Variants in ZSWIM6 observed in about 807,000 individuals in gnomAD.
ZSWIM6 encodes zinc finger SWIM domain-containing protein 6.
In ZSWIM6, 9 loss-of-function variants were observed where a neutral mutation model predicts 113.2. The ratio of observed to expected loss-of-function variants is 0.08; its 90% CI spans 0.05 to 0.14. The LOEUF is 0.14. Ranked by LOEUF, ZSWIM6 falls within the 10% of genes least tolerant of loss-of-function variation. The probability of loss-of-function intolerance (pLI) is 1.00; values close to 1 mark genes in which losing one functional copy is unlikely to be tolerated. For missense variants in ZSWIM6, 1,162 were observed against 1,552.2 expected (o/e 0.75, Z 4.22); for synonymous variants, 611 against 606.5 (o/e 1.01, Z -0.11).
chr5:61,437,981 G>C (rs1746745248), intron 1 of ZSWIM6, among the ~76,000 whole-genome samples: 1 of 151,860 alleles, frequency 6.6e-6, no homozygotes, highest in Non-Finnish European at 1.5e-5. Flanking sequence ...TTGCCATTCA[G>C]GGTGTTCTTA....
chr5:61,403,320 T>C (rs1745976429), intron 1 of ZSWIM6, among the ~76,000 whole-genome samples: 1 of 152,142 alleles, frequency 6.6e-6, no homozygotes, highest in Admixed American at 6.5e-5. Context: ...ATTTTTAGGG[T>C]TTAGAACTCT....
chr5:61,426,913 A>G (rs1746473189), intron 1 of ZSWIM6, among the ~76,000 whole-genome samples: 1 of 151,998 alleles, frequency 6.6e-6, no homozygotes, highest in Non-Finnish European at 1.5e-5. Context: ...CTGGAGGCAC[A>G]CAAAATCCAT....
chr5:61,470,808 T>C (rs1187437009), intron 1 of ZSWIM6, among the ~76,000 whole-genome samples: 1 of 152,198 alleles, frequency 6.6e-6, no homozygotes, highest in Non-Finnish European at 1.5e-5. Context: ...TGGATAAAGA[T>C]TATTGCAGCA....
At chr5:61,537,652 C>T (rs961323412) in intron 10 of ZSWIM6, among the ~76,000 whole-genome samples, 2 of 151,894 alleles carry the variant, frequency 1.3e-5, no homozygotes, top group Admixed American at 6.6e-5. Context: ...TCTTTTTGTT[C>T]CTAAATAAAA....
rs569545310 is a variant in ZSWIM6 at position 61,459,690 on chromosome 5, A to G, written c.677-12991A>G. Among the ~76,000 whole-genome samples, 12 of 152,334 alleles carry G rather than the reference A, an allele frequency of 7.9e-5. 1 individual carries two copies. The South Asian group carries it at 2.3e-3, about 29-fold the overall frequency. On this transcript the variant is annotated intron_variant, in intron 1 of 13. Coordinates refer to ENST00000252744, the MANE Select transcript of ZSWIM6 (RefSeq NM_020928.2). ...AAAAGCTTTACATTTTTATTTATTCATTCACTCAATAAGTATTCATATGTC... is the reference window on the plus strand; with the variant it reads ...AAAAGCTTTACATTTTTATTTATTCGTTCACTCAATAAGTATTCATATGTC...
intron 1 of ZSWIM6, among the ~76,000 whole-genome samples, chr5:61,333,963 C>G (rs1479945539): frequency 1.3e-5 from 2 of 152,200 alleles, no homozygotes; most frequent in African/African-American, 4.8e-5. Flanking sequence ...CGCGTCCCCG[C>G]GGCGCGGCAG....
At chr5:61,507,090 AC>A (rs1168522514) in intron 4 of ZSWIM6, among the ~76,000 whole-genome samples, 4 of 152,078 alleles carry the variant, frequency 2.6e-5, no homozygotes, top group African/African-American at 9.7e-5. Context: ...CTCAGCCCCC[AC>A]CGGCTTCTCC....
At chr5:61,473,184 T>G (rs1007721426) in intron 2 of ZSWIM6, 147 bp downstream of exon 2, 3 of 546,462 alleles carry the variant, frequency 5.5e-6, no homozygotes, top group African/African-American at 3.8e-5. Flanking sequence ...ACATTTGTAT[T>G]CTAAAACATT....
intron 1 of ZSWIM6, among the ~76,000 whole-genome samples, chr5:61,416,471 A>G (rs1334934567): frequency 6.6e-6 from 1 of 152,190 alleles, no homozygotes; most frequent in Non-Finnish European, 1.5e-5. Context: ...TAGAGCTTAT[A>G]CACCTCTGAT....
intron 1 of ZSWIM6, among the ~76,000 whole-genome samples, chr5:61,361,250 C>CAAATAAAGGTACCTTTATTTGTA (rs1375692191): frequency 2.6e-5 from 4 of 152,000 alleles, no homozygotes; most frequent in African/African-American, 9.7e-5. Context: ...CTTTATTTTA[C>CAAATAAAGGTACCTTTATTTGTA]AAATAAAGGT....
At chr5:61,379,990 A>G (rs898942623) in intron 1 of ZSWIM6, among the ~76,000 whole-genome samples, 4 of 152,192 alleles carry the variant, frequency 2.6e-5, no homozygotes, top group Admixed American at 1.3e-4. Context: ...ATTTAAGGTG[A>G]GAAAATAGTT....
At chr5:61,461,455 A>T (rs2112168796) in intron 1 of ZSWIM6, among the ~76,000 whole-genome samples, 1 of 152,366 alleles carries the variant, frequency 6.6e-6, no homozygotes, top group South Asian at 2.1e-4. Context: ...AATTAGAATC[A>T]AGAGTCCCAG....
At chr5:61,385,927 CAG>C (rs1489721109) in intron 1 of ZSWIM6, among the ~76,000 whole-genome samples, 3 of 152,100 alleles carry the variant, frequency 2.0e-5, no homozygotes, top group South Asian at 2.1e-4. Flanking sequence ...TGCACAGGCT[CAG>C]GGGGAGAACC....
chr5:61,514,243 A>G (rs1226588259), intron 4 of ZSWIM6, among the ~76,000 whole-genome samples: 3 of 151,058 alleles, frequency 2.0e-5, no homozygotes, highest in Non-Finnish European at 4.4e-5. Context: ...TTTAGCATAT[A>G]TATCTACAGT....
In ZSWIM6 at chr5:61,357,343, C is replaced by T. The variant is rs541658289; in HGVS notation, c.676+24395C>T. 4.6e-5 allele frequency among the ~76,000 whole-genome samples: 7 copies of T among 152,232 alleles called. No homozygotes were observed. In the South Asian group the frequency reaches 1.5e-3, roughly 32 times the overall value. Reference sequence around the variant, plus strand: ...AAATAATACACAAAGATAATACAGTCACTAGGGTTAGGCTATGGGAATTTA... The same window carrying T: ...AAATAATACACAAAGATAATACAGTTACTAGGGTTAGGCTATGGGAATTTA... On this transcript the variant is annotated intron_variant, in intron 1 of 13. Coordinates refer to ENST00000252744, the MANE Select transcript of ZSWIM6 (RefSeq NM_020928.2).
At chr5:61,363,708 G>C (rs1413815843) in intron 1 of ZSWIM6, among the ~76,000 whole-genome samples, 3 of 152,102 alleles carry the variant, frequency 2.0e-5, no homozygotes, top group African/African-American at 7.2e-5. Context: ...TCATTCCTGA[G>C]GTAAGCTAAA....
chr5:61,515,091 G>C (rs900177420), intron 4 of ZSWIM6, among the ~76,000 whole-genome samples: 4 of 152,086 alleles, frequency 2.6e-5, no homozygotes, highest in Non-Finnish European at 5.9e-5. Flanking sequence ...GGTAGTTTGT[G>C]ACTTTCAAGG....
chr5:61,404,247 C>T (rs886310866), intron 1 of ZSWIM6, among the ~76,000 whole-genome samples: 6 of 152,116 alleles, frequency 3.9e-5, no homozygotes, highest in Non-Finnish European at 7.4e-5. Context: ...TTTGTACCAC[C>T]GGAAAACTTT....
intron 1 of ZSWIM6, chr5:61,375,434 C>G: frequency 6.6e-7 from 1 of 1,517,208 alleles, no homozygotes; most frequent in Non-Finnish European, 9.0e-7. Context: ...TCATCTTCTT[C>G]TTCATCAAGC....
Sources: gnomAD v4.1 joint callset for allele counts (sites outside exome capture counted in the v4.1 genomes callset) on GRCh38, gnomAD v4.1.1 for gene constraint, MANE v1.5 for transcripts, NCBI Gene and HGNC (gene_info 2026-07-23, HGNC 2026-07-21) for gene names.